Variants in RBKS observed in about 807,000 individuals in gnomAD.
RBKS encodes ribokinase.
Under a neutral mutation model 33.9 loss-of-function variants are expected in RBKS, and 33 were observed. The observed-to-expected ratio is 0.97, with a 90% CI of 0.74 to 1.30. The LOEUF (loss-of-function observed/expected upper bound fraction) is 1.30, where lower values mean the gene tolerates loss of function less well. Among genes scored for constraint, RBKS ranks in the 50% most tolerant of loss-of-function variants. RBKS has a pLI of 0.00. For synonymous variants in RBKS, 125 were observed against 143.0 expected (o/e 0.87, Z 0.90); for missense variants, 361 against 392.6 (o/e 0.92, Z 0.68).
intron 1 of RBKS, among the ~76,000 whole-genome samples, chr2:27,875,183 CTGTGAGTAGGAG>C (rs1378283887): frequency 6.6e-6 from 1 of 152,174 alleles, no homozygotes; most frequent in Non-Finnish European, 1.5e-5. Context: ...TTTTCATACA[CTGTGAGTAGGAG>C]TGTATTTCAG....
Position 27,858,548 on chromosome 2 carries a change from G to A in RBKS, c.113C>T (p.Thr38Ile). 5.0e-6 allele frequency: 8 copies of A among 1,613,746 alleles called. No homozygotes were observed. Among genetic ancestry groups the A allele is most frequent in the Non-Finnish European group, 6.8e-6 (8 of 1,179,842 alleles). The change falls in exon 2 of 8, where the codon ACT (threonine) becomes ATT (isoleucine). Residue 38 changes from threonine to isoleucine, a missense_variant. Coordinates refer to ENST00000302188, the MANE Select transcript of RBKS (RefSeq NM_022128.3). ...LVSLTSRLPK[T>I]GETIHGHKFF... ...CTTATGTCCATGGATGGTTTCTCCA[G>A]TTTTTGGCAAACGAGAAGTAAGACT...
chr2:27,858,527 T>G lies in RBKS; in HGVS notation c.134A>C (p.His45Pro), dbSNP rs372314290. 3 of 1,613,922 alleles carry G rather than the reference T, an allele frequency of 1.9e-6. No individual in the cohort carries two copies. In the African/African-American group the frequency reaches 4.0e-5, roughly 22 times the overall value. The stretch of plus-strand genomic sequence containing the variant: ...CCCTCCAAAGCCAATAAAAAACTTA[T>G]GTCCATGGATGGTTTCTCCAGTTTT... ...LPKTGETIHG[H>P]KFFIGFGGKG... is the part of the protein sequence containing the mutation. Residue 45 changes from histidine (H) to proline (P), a missense_variant, in exon 2 of 8, where the codon CAT becomes CCT. By Grantham distance (77) the His-to-Pro change is moderately conservative. Coordinates refer to ENST00000302188, the MANE Select transcript of RBKS (RefSeq NM_022128.3).
At chr2:27,838,108 A>G (rs1267315880) in intron 5 of RBKS, among the ~76,000 whole-genome samples, 1 of 152,042 alleles carries the variant, frequency 6.6e-6, no homozygotes, top group African/African-American at 2.4e-5. Flanking sequence ...GCTGAGGCAT[A>G]AGAATCACTT....
intron 7 of RBKS, 88 bp from the exon 8 acceptor site, chr2:27,781,876 A>G (rs1677294640): frequency 1.6e-6 from 2 of 1,216,678 alleles, no homozygotes; most frequent in Non-Finnish European, 1.1e-6. Context: ...AGTAAACTTA[A>G]TTTTAGTTTT....
chr2:27,822,157 C>T (rs1184539750), intron 7 of RBKS, among the ~76,000 whole-genome samples: 2 of 152,216 alleles, frequency 1.3e-5, no homozygotes, highest in East Asian at 3.9e-4. Context: ...CTGGCAGTAC[C>T]CATGCAAGAA....
chr2:27,841,068 G>A (rs1663483883), intron 5 of RBKS, among the ~76,000 whole-genome samples: 1 of 152,144 alleles, frequency 6.6e-6, no homozygotes, highest in South Asian at 2.1e-4. Context: ...GTGGCCCACT[G>A]TCACCTACCC....
intron 7 of RBKS, chr2:27,809,699 T>C: frequency 1.6e-5 from 5 of 320,150 alleles, no homozygotes; most frequent in South Asian, 1.3e-4. Flanking sequence ...TTCTGCTAAA[T>C]GTTCATCTTC....
intron 7 of RBKS, among the ~76,000 whole-genome samples, chr2:27,788,471 C>T (rs530626147): frequency 3.9e-5 from 6 of 152,196 alleles, no homozygotes; most frequent in Admixed American, 6.5e-5. Flanking sequence ...TTTCGGAGGC[C>T]GAGACGGGTG....
intron 1 of RBKS, among the ~76,000 whole-genome samples, chr2:27,880,312 C>T (rs540802138): frequency 1.2e-4 from 18 of 152,306 alleles, no homozygotes; most frequent in African/African-American, 4.3e-4. Flanking sequence ...CCACAGCCAA[C>T]ATCATACTGA....
rs1484891088 is a variant in RBKS at position 27,837,937 on chromosome 2, T to C, written c.514+5130A>G. Among the ~76,000 whole-genome samples the C allele has an allele frequency of 6.6e-6, 1 of 152,136 alleles. No homozygotes were observed. The highest frequency in any genetic ancestry group is 1.5e-5 in the Non-Finnish European group (1 of 68,020). ...TATGAAGGCCTGGTGCGGTGGTTCA[T>C]GCCTGTAATCCCAGTACTTTGGGAG... is the stretch of plus-strand genomic sequence containing the variant. On this transcript the variant is annotated intron_variant, in intron 5 of 7. Coordinates refer to ENST00000302188, the MANE Select transcript of RBKS (RefSeq NM_022128.3). The surrounding 1 kb of genome is among the most constrained non-coding windows in gnomAD (Gnocchi z 4.0).
intron 2 of RBKS, among the ~76,000 whole-genome samples, chr2:27,854,991 T>C (rs569466140): frequency 3.1e-4 from 47 of 152,328 alleles, no homozygotes; most frequent in African/African-American, 1.0e-3. Flanking sequence ...TAATACTTTA[T>C]TGTATGCTTA....
chr2:27,886,399 G>A (rs6744181), intron 1 of RBKS, among the ~76,000 whole-genome samples: 2,101 of 152,212 alleles, frequency 0.014, 55 homozygotes, highest in African/African-American at 0.048. Context: ...TTAAATTTAG[G>A]AATAAGGCAC....
intron 7 of RBKS, among the ~76,000 whole-genome samples, chr2:27,806,238 TGGTTTTC>T (rs757192358): frequency 2.6e-5 from 4 of 152,190 alleles, no homozygotes; most frequent in Non-Finnish European, 5.9e-5. Flanking sequence ...AGTCAGGCAA[TGGTTTTC>T]CTCTCTTAAT....
At chr2:27,861,429 C>T in intron 1 of RBKS, 1 of 466,528 alleles carries the variant, frequency 2.1e-6, no homozygotes, top group Non-Finnish European at 4.5e-6. Context: ...TTGCCCACTG[C>T]ACTCCCAGTA....
intron 4 of RBKS, among the ~76,000 whole-genome samples, chr2:27,845,438 G>T (rs1237322389): frequency 1.2e-4 from 19 of 152,092 alleles, no homozygotes; most frequent in Non-Finnish European, 7.3e-5. Context: ...TACCAAATAG[G>T]CACTTGACAC....
At chr2:27,869,349 G>A (rs1320564651) in intron 1 of RBKS, among the ~76,000 whole-genome samples, 2 of 152,156 alleles carry the variant, frequency 1.3e-5, no homozygotes, top group Non-Finnish European at 2.9e-5. Flanking sequence ...TGGACACTAT[G>A]TTATCAAATT....
intron 5 of RBKS, among the ~76,000 whole-genome samples, chr2:27,842,568 T>C (rs1663531214): frequency 1.3e-5 from 2 of 152,210 alleles, no homozygotes; most frequent in South Asian, 4.1e-4. Flanking sequence ...TGTATTTGTA[T>C]GTATGACATG....
Position 27,781,695 on chromosome 2 carries a change from T to C in RBKS, c.889A>G (p.Ile297Val). The C allele has an allele frequency of 1.2e-6, 2 of 1,614,044 alleles. No individual in the cohort carries two copies. The highest frequency in any genetic ancestry group is 1.7e-5 in the Admixed American group (1 of 60,012). ...LEDMLNRSNFIAAVSVQAAGT... is the reference protein window; with the variant it reads ...LEDMLNRSNFVAAVSVQAAGT... ...GCAGCCTGGACACTGACTGCTGCAA[T>C]GAAATTGGATCTGTTGAGCATGTCT... Residue 297 changes from isoleucine to valine, a missense_variant, in exon 8 of 8, where the codon ATT becomes GTT. Ile to Val is a conservative substitution (Grantham distance 29). Transcript: ENST00000302188.
At chr2:27,839,992 G>A (rs1421185786) in intron 5 of RBKS, among the ~76,000 whole-genome samples, 2 of 151,268 alleles carry the variant, frequency 1.3e-5, no homozygotes, top group African/African-American at 2.4e-5. Context: ...CCAAACCAAT[G>A]GTCTCCTTTC....
Sources: gnomAD v4.1 joint callset for allele counts (sites outside exome capture counted in the v4.1 genomes callset) on GRCh38, gnomAD v4.1.1 for gene constraint, Gnocchi (gnomAD v3.1) non-coding constraint, MANE v1.5 for transcripts, NCBI Gene and HGNC (gene_info 2026-07-23, HGNC 2026-07-21) for gene names.